LCORL: variants seen among roughly 807,000 people sequenced by gnomAD.
LCORL encodes ligand dependent nuclear receptor corepressor like.
Under a neutral mutation model 141.8 loss-of-function variants are expected in LCORL, and 41 were observed. The observed-to-expected ratio is 0.29, with a 90% CI of 0.23 to 0.38. The LOEUF is 0.38. Ranked by LOEUF, LCORL falls within the 10% of genes least tolerant of loss-of-function variation. The pLI, the probability that LCORL is intolerant of heterozygous loss-of-function variation, is 1.00. For synonymous variants in LCORL, 618 were observed against 694.1 expected, an observed-to-expected ratio of 0.89 and a Z score of 1.72; for missense variants, 1,759 against 2,035.0, an observed-to-expected ratio of 0.86 and a Z score of 2.61.
chr4:17,954,766 G>A lies in LCORL; in HGVS notation c.430+7137C>T, dbSNP rs73802710. 8.2e-3 allele frequency among the ~76,000 whole-genome samples: 1,246 copies of A among 152,288 alleles called. 6 individuals are homozygous for A. Among genetic ancestry groups the A allele is most frequent in the African/African-American group, 0.027 (1,142 of 41,580 alleles). On this transcript the variant is annotated intron_variant, in intron 4 of 7. Transcript: ENST00000635767. ...TTGCATGTGGGCTGTAAAAGATACT[G>A]AGAAACCAAAGAAGGCTCCTGGCCT...
At chr4:17,982,160 C>A (rs1366511259) in intron 1 of LCORL, among the ~76,000 whole-genome samples, 1 of 138,632 alleles carries the variant, frequency 7.2e-6, no homozygotes, top group Non-Finnish European at 1.6e-5. Context: ...AAGATATTTT[C>A]TTTATCCAAT....
At chr4:17,915,009 G>A (rs1425386024) in intron 4 of LCORL, among the ~76,000 whole-genome samples, 3 of 152,120 alleles carry the variant, frequency 2.0e-5, no homozygotes, top group Non-Finnish European at 4.4e-5. Context: ...AATGAATGAA[G>A]TTTTCATACT....
intron 4 of LCORL, among the ~76,000 whole-genome samples, chr4:17,938,764 A>G (rs1186099643): frequency 1.3e-5 from 2 of 152,122 alleles, no homozygotes; most frequent in Non-Finnish European, 2.9e-5. Context: ...TAGAAGATAA[A>G]ACAATTTTTA....
At chr4:17,912,370 G>A (rs1732704596) in intron 4 of LCORL, 2 of 655,778 alleles carry the variant, frequency 3.0e-6, no homozygotes, top group Non-Finnish European at 5.8e-6. Context: ...AGGCCTACAA[G>A]CCCAGATTGC....
chr4:17,899,261 G>A (rs1339727111), intron 5 of LCORL, among the ~76,000 whole-genome samples: 9 of 152,076 alleles, frequency 5.9e-5, no homozygotes, highest in Admixed American at 1.3e-4. Flanking sequence ...TCTGTGTCAT[G>A]AAGAAGTTTC....
intron 1 of LCORL, among the ~76,000 whole-genome samples, chr4:17,999,015 T>C (rs976965118): frequency 1.9e-3 from 219 of 112,476 alleles, no homozygotes; most frequent in East Asian, 0.017. Flanking sequence ...CACACATATA[T>C]ATATATATAT....
intron 1 of LCORL, among the ~76,000 whole-genome samples, chr4:17,982,017 A>G: frequency 6.6e-6 from 1 of 152,002 alleles, no homozygotes; most frequent in Middle Eastern, 3.4e-3. Flanking sequence ...GTTAGTTTGC[A>G]AAGGATGATG....
exon 8 of LCORL, chr4:17,843,165 T>TCGCCG: frequency 1.1e-6 from 1 of 930,710 alleles, no homozygotes; most frequent in South Asian, 2.1e-5. Flanking sequence ...GAGATTTTAG[T>TCGCCG]TTTAAGCTAA....
At chr4:17,852,262 T>C (rs1723821123) in intron 7 of LCORL, among the ~76,000 whole-genome samples, 1 of 150,534 alleles carries the variant, frequency 6.6e-6, no homozygotes, top group Non-Finnish European at 1.5e-5. Flanking sequence ...AGCAATAGTA[T>C]GTATACAGTG....
At chr4:17,911,513 T>A (rs550446431) in intron 4 of LCORL, among the ~76,000 whole-genome samples, 2 of 152,322 alleles carry the variant, frequency 1.3e-5, no homozygotes, top group East Asian at 3.9e-4. Context: ...GAACAAATAT[T>A]AACTACACGG....
chr4:17,911,147 T>C (rs539181404), intron 4 of LCORL, among the ~76,000 whole-genome samples: 57 of 152,164 alleles, frequency 3.7e-4, no homozygotes, highest in Non-Finnish European at 7.5e-4. Context: ...GTAAGGATTA[T>C]ATGAGATTGT....
At chr4:17,889,154 A>T (rs1728717203) in intron 5 of LCORL, among the ~76,000 whole-genome samples, 1 of 152,062 alleles carries the variant, frequency 6.6e-6, no homozygotes. Context: ...CTACTCACAC[A>T]CGAAGCACCA....
At chr4:17,983,446 AGT>A (rs898163602) in intron 1 of LCORL, among the ~76,000 whole-genome samples, 18 of 152,242 alleles carry the variant, frequency 1.2e-4, no homozygotes, top group African/African-American at 3.9e-4. Context: ...TTATCTGAGC[AGT>A]GTTTTGTAAT....
chr4:18,000,381 A>G (rs1418577412), intron 1 of LCORL, among the ~76,000 whole-genome samples: 1 of 152,212 alleles, frequency 6.6e-6, no homozygotes, highest in African/African-American at 2.4e-5. Flanking sequence ...TCAAACTTGG[A>G]GAGGCTAAGA....
At chr4:17,858,023 A>G (rs1466240918) in intron 7 of LCORL, among the ~76,000 whole-genome samples, 1 of 152,212 alleles carries the variant, frequency 6.6e-6, no homozygotes, top group Non-Finnish European at 1.5e-5. Flanking sequence ...ATAAGGGGAA[A>G]AGTCATTAAA....
At chr4:17,939,670 A>G (rs960698855) in intron 4 of LCORL, among the ~76,000 whole-genome samples, 1 of 152,132 alleles carries the variant, frequency 6.6e-6, no homozygotes, top group African/African-American at 2.4e-5. Flanking sequence ...AGGAGAACAC[A>G]GCAGAAAAAA....
At chr4:17,860,740 T>C (rs1022503644) in intron 7 of LCORL, among the ~76,000 whole-genome samples, 7 of 152,152 alleles carry the variant, frequency 4.6e-5, no homozygotes, top group African/African-American at 1.7e-4. Flanking sequence ...AGCAAGTTAG[T>C]TACTTCCTAG....
At chr4:17,982,892 T>C (rs1288598431) in intron 1 of LCORL, among the ~76,000 whole-genome samples, 1 of 152,178 alleles carries the variant, frequency 6.6e-6, no homozygotes, top group East Asian at 1.9e-4. Flanking sequence ...GTTTTTATAC[T>C]TTTGGGTTTT....
chr4:17,983,566 T>C (rs67113817), intron 1 of LCORL, among the ~76,000 whole-genome samples: 35,767 of 151,984 alleles, frequency 0.24, 5,339 homozygotes, highest in African/African-American at 0.42. Context: ...GCTCTCGGCT[T>C]GCTGTTGTTG....
Sources: gnomAD v4.1 joint callset for allele counts (sites outside exome capture counted in the v4.1 genomes callset) on GRCh38, gnomAD v4.1.1 for gene constraint, MANE v1.5 for transcripts, NCBI Gene and HGNC (gene_info 2026-07-23, HGNC 2026-07-21) for gene names.